The following ELAVL2 variants were observed in gnomAD, a reference collection of about 807,000 sequenced individuals.
ELAVL2 encodes ELAV like RNA binding protein 2.
ELAVL2 carries 4 observed loss-of-function variants against 34.6 expected under a neutral mutation model. The ratio of observed to expected loss-of-function variants is 0.12; its 90% CI spans 0.06 to 0.26. The LOEUF (loss-of-function observed/expected upper bound fraction) is 0.26, where lower values mean the gene tolerates loss of function less well. Among genes scored for constraint, ELAVL2 ranks in the 10% least tolerant of loss-of-function variants. ELAVL2 has a pLI of 1.00. For missense variants in ELAVL2, 432 were observed against 442.8 expected, an observed-to-expected ratio of 0.98 and a Z score of 0.22; for synonymous variants, 193 against 154.8, an observed-to-expected ratio of 1.25 and a Z score of -1.83.
chr9:23,761,972 G>A (rs757617503), intron 2 of ELAVL2, 34 bp downstream of exon 2: 48 of 1,580,806 alleles, frequency 3.0e-5, no homozygotes, highest in East Asian at 2.0e-4. Flanking sequence ...GACACGATCC[G>A]TTAAATATAA....
At chr9:23,825,532 C>T (rs1347590283) in intron 1 of ELAVL2, among the ~76,000 whole-genome samples, 3 of 152,174 alleles carry the variant, frequency 2.0e-5, no homozygotes, top group Non-Finnish European at 4.4e-5. Flanking sequence ...AAGCTCACTC[C>T]ACATCTAACC....
chr9:23,761,882 C>A, intron 2 of ELAVL2, 124 bp downstream of exon 2: 1 of 1,284,954 alleles, frequency 7.8e-7, no homozygotes, highest in South Asian at 1.7e-5. Flanking sequence ...GATGTAATAA[C>A]AGAGAGAAAA....
intron 1 of ELAVL2, among the ~76,000 whole-genome samples, chr9:23,783,957 G>A (rs528866376): frequency 6.6e-6 from 1 of 152,140 alleles, no homozygotes; most frequent in East Asian, 1.9e-4. Context: ...CACTTTGGGA[G>A]GCTGAGGCGC....
intron 1 of ELAVL2, among the ~76,000 whole-genome samples, chr9:23,809,500 T>G (rs1156236374): frequency 6.6e-6 from 1 of 152,152 alleles, no homozygotes; most frequent in Non-Finnish European, 1.5e-5. Context: ...AACATGGGAT[T>G]AGTTAAGGCA....
At chr9:23,839,635 AT>A in the ELAVL2 span, among the ~76,000 whole-genome samples, 2 of 152,146 alleles carry the variant, frequency 1.3e-5, no homozygotes, top group Non-Finnish European at 2.9e-5. Flanking sequence ...ACAATTATTA[AT>A]TTTTTATAAG....
chr9:23,800,767 C>G (rs779275796), intron 1 of ELAVL2, among the ~76,000 whole-genome samples: 2 of 152,126 alleles, frequency 1.3e-5, no homozygotes, highest in Admixed American at 6.5e-5. Context: ...TTTGGGAAAA[C>G]AGATGACGTA....
chr9:23,848,257 C>T, the ELAVL2 span, among the ~76,000 whole-genome samples: 5 of 152,064 alleles, frequency 3.3e-5, no homozygotes, highest in African/African-American at 7.2e-5. Flanking sequence ...TAGCTTACTA[C>T]CTGTGGTCTA....
chr9:23,773,527 A>T (rs2136396804), intron 1 of ELAVL2, among the ~76,000 whole-genome samples: 1 of 152,306 alleles, frequency 6.6e-6, no homozygotes, highest in African/African-American at 2.4e-5. Flanking sequence ...CATGTTACAG[A>T]TGAAAAATGA....
At chr9:23,738,668 C>T (rs983338989) in intron 2 of ELAVL2, among the ~76,000 whole-genome samples, 3 of 152,152 alleles carry the variant, frequency 2.0e-5, no homozygotes, top group Admixed American at 2.0e-4. Context: ...CCCAAAGTTT[C>T]TAAATGATTT....
At chr9:23,712,145 TC>T (rs1375808657) in intron 3 of ELAVL2, among the ~76,000 whole-genome samples, 1 of 152,188 alleles carries the variant, frequency 6.6e-6, no homozygotes, top group Non-Finnish European at 1.5e-5. Flanking sequence ...TAGTCCAATT[TC>T]TTTGTATCTG....
intron 1 of ELAVL2, among the ~76,000 whole-genome samples, chr9:23,789,240 A>C (rs531505271): frequency 2.6e-5 from 4 of 152,282 alleles, no homozygotes; most frequent in African/African-American, 9.6e-5. Flanking sequence ...CCTCTATATC[A>C]GTCTAGGCCA....
chr9:23,844,511 T>C, the ELAVL2 span, among the ~76,000 whole-genome samples: 1 of 152,058 alleles, frequency 6.6e-6, no homozygotes, highest in East Asian at 1.9e-4. Flanking sequence ...TAGATTTCTG[T>C]AGCAATCTTA....
chr9:23,753,304 A>G (rs1457020526), intron 2 of ELAVL2, among the ~76,000 whole-genome samples: 1 of 152,190 alleles, frequency 6.6e-6, no homozygotes, highest in Non-Finnish European at 1.5e-5. Context: ...AGAAGTTGGC[A>G]AATTTTGAAG....
intron 1 of ELAVL2, among the ~76,000 whole-genome samples, chr9:23,801,852 CCA>C (rs1310600028): frequency 6.6e-5 from 10 of 152,166 alleles, no homozygotes; most frequent in Non-Finnish European, 2.9e-5. Flanking sequence ...GAAGGGACTC[CCA>C]CAGAGTTTTC....
chr9:23,779,336 C>T, intron 1 of ELAVL2: 1 of 985,412 alleles, frequency 1.0e-6, no homozygotes, highest in Non-Finnish European at 1.2e-6. Flanking sequence ...AAGGCAATTC[C>T]AGGGCCTGCA....
chr9:23,788,094 G>C (rs1681544097), intron 1 of ELAVL2, among the ~76,000 whole-genome samples: 1 of 152,218 alleles, frequency 6.6e-6, no homozygotes. Flanking sequence ...GGTAAGAAGG[G>C]AGCACAAAAT....
chr9:23,732,317 A>C (rs982957919), intron 2 of ELAVL2, among the ~76,000 whole-genome samples: 5 of 152,212 alleles, frequency 3.3e-5, no homozygotes, highest in African/African-American at 1.2e-4. Context: ...AGAGAAGGCT[A>C]AATACAGTGC....
chr9:23,746,774 T>G (rs1195127252), intron 2 of ELAVL2, among the ~76,000 whole-genome samples: 3 of 150,556 alleles, frequency 2.0e-5, no homozygotes, highest in Admixed American at 1.3e-4. Context: ...AAGTTTGTCT[T>G]GGATCCACGA....
chr9:23,713,385 G>C (rs1362941485), intron 3 of ELAVL2, among the ~76,000 whole-genome samples: 2 of 152,164 alleles, frequency 1.3e-5, no homozygotes, highest in Non-Finnish European at 2.9e-5. Context: ...TATGGTAGTG[G>C]CAGTAGGCTA....
Sources: allele counts gnomAD v4.1 joint callset (sites outside exome capture counted in the v4.1 genomes callset), GRCh38; gene constraint gnomAD v4.1.1; transcripts MANE v1.5; gene names NCBI Gene and HGNC (gene_info 2026-07-23, HGNC 2026-07-21).